VPS13A: variants seen among roughly 807,000 people sequenced by gnomAD.
VPS13A encodes vacuolar protein sorting 13 homolog A.
In VPS13A, 264 loss-of-function variants were observed where a neutral mutation model predicts 390.9. The ratio of observed to expected loss-of-function variants is 0.68; its 90% CI spans 0.61 to 0.75. VPS13A has a LOEUF of 0.75. VPS13A is among the 30% of genes least tolerant of loss of function. The pLI, the probability that VPS13A is intolerant of heterozygous loss-of-function variation, is 0.00. For missense variants in VPS13A, 3,409 were observed against 3,733.9 expected, an observed-to-expected ratio of 0.91 and a Z score of 2.27; for synonymous variants, 1,231 against 1,227.1, an observed-to-expected ratio of 1.00 and a Z score of -0.07.
At chr9:77,413,278 G>A (rs1241244858) in intron 71 of VPS13A, among the ~76,000 whole-genome samples, 10 of 152,172 alleles carry the variant, frequency 6.6e-5, no homozygotes, top group East Asian at 3.9e-4. Context: ...AGCCCACATC[G>A]CCAAGTCAAT....
chr9:77,213,398 A>G (rs1326254893), intron 9 of VPS13A, 84 bp downstream of exon 9: 1 of 1,150,800 alleles, frequency 8.7e-7, no homozygotes, highest in Non-Finnish European at 1.3e-6. Context: ...AATATACTGT[A>G]GTCAGTATTT....
intron 68 of VPS13A, among the ~76,000 whole-genome samples, chr9:77,392,532 T>C (rs1359977897): frequency 1.3e-5 from 2 of 152,046 alleles, no homozygotes; most frequent in East Asian, 1.9e-4. Context: ...TTGCTAGGGT[T>C]AGAACAAATG....
At chr9:77,407,496 A>C (rs893923250) in intron 70 of VPS13A, 37 bp from the exon 71 acceptor site, 57 of 1,544,372 alleles carry the variant, frequency 3.7e-5, no homozygotes, top group Non-Finnish European at 5.1e-5. Context: ...TTACAACCAG[A>C]TTATCTTTTT....
rs750574896 is a variant in VPS13A, at chr9:77,302,367, C to CTTTTTTT, written c.3813-548_3813-547insTTTTTTT. ...TGTATCGAAAAATACATATTTTTCC[C>CTTTTTTT]CTTTTTTTTTTTTTTTTTTTTTGGA... On this transcript the variant is annotated intron_variant, in intron 33 of 71. Coordinates refer to ENST00000360280, the MANE Select transcript of VPS13A (RefSeq NM_033305.3). 8.8e-5 allele frequency among the ~76,000 whole-genome samples: 12 copies of CTTTTTTT among 136,042 alleles called. 1 individual carries two copies. The highest frequency in any genetic ancestry group is 2.3e-4 in the South Asian group (1 of 4,280). 89.2% of individuals were successfully genotyped at this position (136,042 alleles called of 152,430 possible). A position where few individuals can be genotyped will look rare whatever the true frequency, so the allele number is the denominator to read the frequency against.
intron 19 of VPS13A, 103 bp from the exon 20 acceptor site, chr9:77,247,156 A>G: frequency 9.8e-7 from 1 of 1,019,010 alleles, no homozygotes; most frequent in Non-Finnish European, 1.4e-6. Context: ...AATTAATACT[A>G]ATTTTACATT....
intron 52 of VPS13A, among the ~76,000 whole-genome samples, chr9:77,350,638 ATT>A (rs1831403796): frequency 6.6e-6 from 1 of 152,110 alleles, no homozygotes; most frequent in Non-Finnish European, 1.5e-5. Context: ...TGAGAGTAAC[ATT>A]TTTATTTTCT....
chr9:77,381,551 T>C (rs7856203), intron 67 of VPS13A, among the ~76,000 whole-genome samples: 3,900 of 152,072 alleles, frequency 0.026, 163 homozygotes, highest in East Asian at 0.19. Context: ...AAACTAAAAG[T>C]AGCAATGAAC....
At chr9:77,269,806 A>T (rs540882247) in intron 23 of VPS13A, among the ~76,000 whole-genome samples, 1 of 152,210 alleles carries the variant, frequency 6.6e-6, no homozygotes, top group African/African-American at 2.4e-5. Flanking sequence ...TAATTCTGCT[A>T]TTTCACATTG....
Position 77,370,542 on chromosome 9 carries a change from A to G in VPS13A, c.8871A>G (p.Arg2957=). 6.2e-7 allele frequency: 1 copy of G among 1,614,196 alleles called. No individual in the cohort carries two copies. Among genetic ancestry groups the G allele is most frequent in the East Asian group, 2.2e-5 (1 of 44,872 alleles). ...EAMNKQPAGF[R]EGITRGGKGL... ...TGAATAAGCAACCAGCTGGTTTTAG[A>G]GAAGGCATCACTCGTGGAGGAAAAG... The change falls in exon 65 of 72, where the codon AGA becomes AGG. Residue 2957 remains arginine (R), a synonymous_variant. Coordinates refer to ENST00000360280, the MANE Select transcript of VPS13A (RefSeq NM_033305.3).
chr9:77,358,312 G>C (rs1277330723), intron 56 of VPS13A, 45 bp from the exon 57 acceptor site: 1 of 1,456,066 alleles, frequency 6.9e-7, no homozygotes, highest in East Asian at 2.3e-5. Context: ...TGGTCAGGTT[G>C]TATAATTGAC....
At chr9:77,334,159 A>G (rs1294466295) in intron 46 of VPS13A, among the ~76,000 whole-genome samples, 1 of 152,252 alleles carries the variant, frequency 6.6e-6, no homozygotes, top group Non-Finnish European at 1.5e-5. Context: ...ATAAGGAAGC[A>G]TGAAAGCATA....
At chr9:77,215,449 A>T (rs1450753723) in intron 10 of VPS13A, among the ~76,000 whole-genome samples, 1 of 152,174 alleles carries the variant, frequency 6.6e-6, no homozygotes, top group African/African-American at 2.4e-5. Flanking sequence ...GTTATCTGTC[A>T]TATGTGTTTA....
rs41289977 is a variant in VPS13A, at chr9:77,382,742, G to C, written c.9189+655G>C. ...ATGACCCTCTTCCTGCTTTATTCTA[G>C]TGTAGTCTTTATAAAACTTGTGGGA... On this transcript the variant is annotated intron_variant, in intron 68 of 71. Coordinates refer to ENST00000360280, the MANE Select transcript of VPS13A (RefSeq NM_033305.3). The C allele has an allele frequency of 0.012, 11,773 of 986,238 alleles. 79 individuals carry two copies. Among genetic ancestry groups the C allele is most frequent in the Non-Finnish European group, 0.013 (10,813 of 830,584 alleles). 61.1% of individuals were successfully genotyped at this position (986,238 alleles called of 1,614,324 possible).
At chr9:77,202,066 T>C (rs1011329327) in intron 3 of VPS13A, among the ~76,000 whole-genome samples, 4 of 152,152 alleles carry the variant, frequency 2.6e-5, no homozygotes, top group African/African-American at 9.6e-5. Flanking sequence ...ATAGATAGTT[T>C]TGTGGTAGGA....
At chr9:77,407,703 T>G (rs1834692728) in intron 71 of VPS13A, 96 bp downstream of exon 71, 3 of 977,448 alleles carry the variant, frequency 3.1e-6, no homozygotes, top group Middle Eastern at 2.6e-4. Flanking sequence ...TGTTTGGGGG[T>G]TTTTGTTTGT....
chr9:77,331,744 C>T (rs939522411), intron 45 of VPS13A, among the ~76,000 whole-genome samples: 4 of 151,844 alleles, frequency 2.6e-5, no homozygotes, highest in African/African-American at 9.7e-5. Flanking sequence ...AAATTAGTCC[C>T]TATCCTAAAA....
At chr9:77,189,132 CTTTTTTTTT>C (rs542812911) in intron 1 of VPS13A, among the ~76,000 whole-genome samples, 1 of 112,194 alleles carries the variant, frequency 8.9e-6, no homozygotes. Flanking sequence ...TCCCACTTGC[CTTTTTTTTT>C]TTTTTTTTTG....
chr9:77,228,367 C>T, intron 17 of VPS13A, 103 bp downstream of exon 17: 2 of 1,121,428 alleles, frequency 1.8e-6, no homozygotes, highest in South Asian at 1.8e-5. Flanking sequence ...ACTATAGTTT[C>T]ATATATCCTT....
intron 22 of VPS13A, among the ~76,000 whole-genome samples, chr9:77,253,261 G>A (rs1379130806): frequency 6.6e-6 from 1 of 152,094 alleles, no homozygotes; most frequent in African/African-American, 2.4e-5. Flanking sequence ...TTTATTTGGA[G>A]AAATACATAT....
Sources: gnomAD v4.1 joint callset for allele counts (sites outside exome capture counted in the v4.1 genomes callset) on GRCh38, gnomAD v4.1.1 for gene constraint, MANE v1.5 for transcripts, NCBI Gene and HGNC (gene_info 2026-07-23, HGNC 2026-07-21) for gene names.